SLC2A13: variants seen among roughly 807,000 people sequenced by gnomAD.
The protein encoded by SLC2A13 is proton myo-inositol cotransporter.
A neutral mutation model predicts 64.4 loss-of-function variants in SLC2A13; 32 were observed. That is an observed-to-expected ratio of 0.50 (90% CI 0.37 to 0.67). The LOEUF is 0.67. SLC2A13 is among the 30% of genes least tolerant of loss of function. The pLI is 0.00. For missense variants in SLC2A13, 743 were observed against 829.2 expected, an observed-to-expected ratio of 0.90 and a Z score of 1.28; for synonymous variants, 338 against 327.1, an observed-to-expected ratio of 1.03 and a Z score of -0.36.
chr12:39,822,332 C>T (rs1296087071), intron 7 of SLC2A13, among the ~76,000 whole-genome samples: 5 of 152,220 alleles, frequency 3.3e-5, no homozygotes, highest in Non-Finnish European at 7.4e-5. Flanking sequence ...GTCCAGGTAT[C>T]ACATAAAGCC....
At chr12:39,768,670 C>G (rs1053446035) in intron 7 of SLC2A13, among the ~76,000 whole-genome samples, 1 of 151,914 alleles carries the variant, frequency 6.6e-6, no homozygotes, top group Non-Finnish European at 1.5e-5. Context: ...TTAAGTTTGA[C>G]GTCTTATACG....
At chr12:39,805,075 C>T (rs1477485520) in intron 7 of SLC2A13, among the ~76,000 whole-genome samples, 1 of 8,720 alleles carries the variant, frequency 1.1e-4, no homozygotes, top group Admixed American at 1.2e-3. Context: ...GCCTGCTGGG[C>T]AGGCAAGAAC....
chr12:39,917,691 C>T (rs11174281), intron 4 of SLC2A13, among the ~76,000 whole-genome samples: 27,505 of 151,972 alleles, frequency 0.18, 2,665 homozygotes, highest in Non-Finnish European at 0.22. Context: ...TGCAGGTTTT[C>T]GGACTCAGTG....
At chr12:39,974,686 T>C (rs1946730544) in intron 3 of SLC2A13, among the ~76,000 whole-genome samples, 1 of 152,222 alleles carries the variant, frequency 6.6e-6, no homozygotes, top group Admixed American at 6.5e-5. Context: ...TATCGTATTA[T>C]GTAGCAATTT....
At chr12:39,774,784 A>G (rs1940715224) in intron 7 of SLC2A13, among the ~76,000 whole-genome samples, 1 of 152,170 alleles carries the variant, frequency 6.6e-6, no homozygotes. Context: ...TGAATAAAAT[A>G]TTATTTATCT....
chr12:39,784,824 G>T (rs1941128021), intron 7 of SLC2A13, among the ~76,000 whole-genome samples: 1 of 152,148 alleles, frequency 6.6e-6, no homozygotes, highest in Non-Finnish European at 1.5e-5. Context: ...ACAGACTCTT[G>T]TTATGTTTTA....
At chr12:39,815,788 A>AG (rs1218020571) in intron 7 of SLC2A13, among the ~76,000 whole-genome samples, 2 of 152,226 alleles carry the variant, frequency 1.3e-5, no homozygotes, top group Non-Finnish European at 1.5e-5. Context: ...TCTGGAAAAA[A>AG]CAAATAAATG....
intron 7 of SLC2A13, among the ~76,000 whole-genome samples, chr12:39,778,222 T>C (rs1021712763): frequency 3.3e-5 from 5 of 152,206 alleles, no homozygotes; most frequent in African/African-American, 1.2e-4. Context: ...ACTCATTTTA[T>C]AGAGGGCACA....
intron 7 of SLC2A13, among the ~76,000 whole-genome samples, chr12:39,778,017 T>C (rs1211088090): frequency 6.6e-6 from 1 of 152,152 alleles, no homozygotes; most frequent in Non-Finnish European, 1.5e-5. Context: ...CCACTGGGGC[T>C]TCAGCTGTAA....
chr12:39,841,386 T>C (rs1592193863), intron 6 of SLC2A13, among the ~76,000 whole-genome samples: 1 of 152,238 alleles, frequency 6.6e-6, no homozygotes, highest in East Asian at 1.9e-4. Context: ...AATGCACCAA[T>C]GAACTCTCTA....
At chr12:40,028,210 A>C in intron 3 of SLC2A13, 91 bp downstream of exon 3, 1 of 667,288 alleles carries the variant, frequency 1.5e-6, no homozygotes, top group Non-Finnish European at 2.3e-6. Flanking sequence ...CCCATATATT[A>C]AAAATATATT....
intron 7 of SLC2A13, among the ~76,000 whole-genome samples, chr12:39,775,559 A>G (rs973136688): frequency 3.9e-5 from 6 of 152,234 alleles, no homozygotes; most frequent in Admixed American, 6.5e-5. Flanking sequence ...TTCATAAGAA[A>G]ATACTTTGAA....
At chr12:39,776,690 T>G (rs569703163) in intron 7 of SLC2A13, among the ~76,000 whole-genome samples, 2 of 151,992 alleles carry the variant, frequency 1.3e-5, no homozygotes, top group African/African-American at 4.8e-5. Flanking sequence ...CTGAGCAGTA[T>G]TCTAGATTTC....
intron 6 of SLC2A13, among the ~76,000 whole-genome samples, chr12:39,837,652 C>G (rs1459964244): frequency 6.6e-6 from 1 of 150,702 alleles, no homozygotes; most frequent in East Asian, 1.9e-4. Flanking sequence ...AAGAAAAAAA[C>G]AAACAACCCC....
chr12:39,760,230 T>G lies in SLC2A13; in HGVS notation c.1743A>C (p.Gly581=), dbSNP rs752434691. ...TYYGAFFLYA[G]FAAVGLLFIY... ...TGAAAAGGAGTCCCACAGCAGCAAATCCAGCATAGAGGAAGAAAGCTCCTG... is the reference window on the plus strand; with the variant it reads ...TGAAAAGGAGTCCCACAGCAGCAAAGCCAGCATAGAGGAAGAAAGCTCCTG... Residue 581 remains glycine, a synonymous_variant, in exon 10 of 10, where the codon GGA becomes GGC. Transcript: ENST00000280871. 44 of 1,612,166 alleles carry G rather than the reference T, an allele frequency of 2.7e-5. No homozygotes were observed. The South Asian group carries it at 4.3e-4, about 16-fold the overall frequency.
chr12:39,814,976 A>C (rs970175947), intron 7 of SLC2A13, among the ~76,000 whole-genome samples: 21 of 150,920 alleles, frequency 1.4e-4, no homozygotes, highest in African/African-American at 5.1e-4. Flanking sequence ...TTCTTCTTAC[A>C]CTTTTTTTTT....
In SLC2A13 at chr12:39,755,960, A is replaced by G. The variant is rs149890052; in HGVS notation, c.*4066T>C. ...CTTCTCTAAAGAGACAAGATACAAG[A>G]AAGAGTTGGTAGCAGTTAGCTATTT... On this transcript the variant is annotated 3_prime_UTR_variant, in exon 10 of 10. Coordinates refer to ENST00000280871, the MANE Select transcript of SLC2A13 (RefSeq NM_052885.4). 215 of 152,146 alleles carry G rather than the reference A, an allele frequency of 1.4e-3. No individual in the cohort carries two copies. Among genetic ancestry groups the G allele is most frequent in the African/African-American group, 4.9e-3 (202 of 41,548 alleles). 9.4% of individuals were successfully genotyped at this position (152,146 alleles called of 1,614,324 possible).
chr12:39,923,668 G>GTA (rs72398744), intron 4 of SLC2A13, among the ~76,000 whole-genome samples: 7,789 of 106,328 alleles, frequency 0.073, 483 homozygotes, highest in African/African-American at 0.18. Flanking sequence ...GTGATTATAT[G>GTA]TATATATATA....
intron 6 of SLC2A13, among the ~76,000 whole-genome samples, chr12:39,843,649 G>C (rs1306401620): frequency 6.6e-6 from 1 of 152,058 alleles, no homozygotes; most frequent in East Asian, 1.9e-4. Context: ...TTTATTGCTA[G>C]TGCTCAACTC....
Sources: gnomAD v4.1 joint callset for allele counts (sites outside exome capture counted in the v4.1 genomes callset) on GRCh38, gnomAD v4.1.1 for gene constraint, MANE v1.5 for transcripts, NCBI Gene and HGNC (gene_info 2026-07-23, HGNC 2026-07-21) for gene names.